The following TENM1 variants were observed in gnomAD, a reference collection of about 807,000 sequenced individuals.
TENM1 encodes the protein teneurin-1.
A neutral mutation model predicts 174.8 loss-of-function variants in TENM1; 35 were observed. The observed-to-expected ratio is 0.20, with a 90% CI of 0.15 to 0.27. The LOEUF (loss-of-function observed/expected upper bound fraction) is 0.27. Among genes scored for constraint, TENM1 ranks in the 10% least tolerant of loss-of-function variants. The probability of loss-of-function intolerance (pLI) is 1.00; values close to 1 mark genes in which losing one functional copy is unlikely to be tolerated. For synonymous variants in TENM1, 781 were observed against 798.7 expected, an observed-to-expected ratio of 0.98 and a Z score of 0.37; for missense variants, 1,633 against 2,130.1, an observed-to-expected ratio of 0.77 and a Z score of 4.59.
At chrX:124,480,617 A>T (rs2046821356) in intron 22 of TENM1, among the ~76,000 whole-genome samples, 1 of 112,034 alleles carries the variant, frequency 8.9e-6, no homozygotes, top group African/African-American at 3.2e-5. Flanking sequence ...AAATACTAAA[A>T]TGTTTACAGT....
At chrX:124,965,696 A>G (rs1426423567), upstream of TENM1, among the ~76,000 whole-genome samples, 1 of 87,924 alleles carries the variant, frequency 1.1e-5, no homozygotes, top group Non-Finnish European at 1.9e-5. Flanking sequence ...GAACATATAC[A>G]TATATATATA....
At chrX:124,413,992 T>C (rs1444459011) in intron 25 of TENM1, among the ~76,000 whole-genome samples, 1 of 112,162 alleles carries the variant, frequency 8.9e-6, no homozygotes, top group African/African-American at 3.2e-5. Flanking sequence ...GAAGGGGGAA[T>C]CTGTCATTAG....
At chrX:125,163,184 T>C in the TENM1 span, among the ~76,000 whole-genome samples, 2 of 111,236 alleles carry the variant, frequency 1.8e-5, no homozygotes, top group East Asian at 5.7e-4. Flanking sequence ...ATAGTAGCAG[T>C]GTGTGTTTGT....
chrX:124,577,299 G>A (rs2049190202), intron 11 of TENM1, among the ~76,000 whole-genome samples: 1 of 111,184 alleles, frequency 9.0e-6, no homozygotes, highest in Non-Finnish European at 1.9e-5. Context: ...CTGGGCAGGG[G>A]CTGCATACAT....
chrX:124,940,605 C>T (rs1437991263), intron 1 of TENM1, among the ~76,000 whole-genome samples: 2 of 111,217 alleles, frequency 1.8e-5, no homozygotes, highest in Admixed American at 9.6e-5. Context: ...CCCTGCAACC[C>T]TACTACCACT....
At chrX:125,031,486 C>G in the TENM1 span, among the ~76,000 whole-genome samples, 2,180 of 111,709 alleles carry the variant, frequency 0.02, 64 homozygotes, top group African/African-American at 0.067. Context: ...AAATAATCTA[C>G]AAAGAATTCT....
At chrX:125,187,787 T>C in the TENM1 span, among the ~76,000 whole-genome samples, 4 of 111,597 alleles carry the variant, frequency 3.6e-5, no homozygotes, top group African/African-American at 9.8e-5. Flanking sequence ...TACGTATTTA[T>C]ATATGTCTGT....
At chrX:124,520,813 A>G in intron 17 of TENM1, 29 bp from the exon 21 acceptor site, 3 of 1,131,638 alleles carry the variant, frequency 2.7e-6, no homozygotes, top group Non-Finnish European at 3.5e-6. Flanking sequence ...AAAAAAGCCA[A>G]ATAGGCTCTT....
chrX:124,979,284 G>T, the TENM1 span, among the ~76,000 whole-genome samples: 2,536 of 111,823 alleles, frequency 0.023, 58 homozygotes, highest in Middle Eastern at 0.079. Context: ...GGGTACTTAA[G>T]TGTCGTTTTT....
the TENM1 span, among the ~76,000 whole-genome samples, chrX:124,982,367 C>A: frequency 2.2e-4 from 24 of 108,605 alleles, no homozygotes; most frequent in African/African-American, 7.6e-4. Context: ...AGAATAATAT[C>A]TTTGCACTTT....
At chrX:124,756,104 T>C (rs1399148890) in intron 3 of TENM1, among the ~76,000 whole-genome samples, 1 of 105,407 alleles carries the variant, frequency 9.5e-6, no homozygotes, top group East Asian at 2.9e-4. Flanking sequence ...GGTTCCATTC[T>C]CCCCGTCACT....
chrX:124,866,582 A>T (rs750414916), intron 3 of TENM1, among the ~76,000 whole-genome samples: 1 of 111,510 alleles, frequency 9.0e-6, no homozygotes, highest in Non-Finnish European at 1.9e-5. Context: ...TAACAATCTA[A>T]CCATGCATTT....
At chrX:124,779,437 A>G (rs2054856717) in intron 3 of TENM1, among the ~76,000 whole-genome samples, 1 of 111,810 alleles carries the variant, frequency 8.9e-6, no homozygotes. Flanking sequence ...GCTTTCTTAG[A>G]AATCTTGCTT....
intron 3 of TENM1, among the ~76,000 whole-genome samples, chrX:124,892,937 GGATA>G (rs1489945020): frequency 8.9e-6 from 1 of 111,970 alleles, no homozygotes; most frequent in Non-Finnish European, 1.9e-5. Context: ...TTTCATGAAT[GGATA>G]AAGTCAATGG....
At chrX:124,588,242 G>A (rs1421030971) in intron 11 of TENM1, among the ~76,000 whole-genome samples, 5 of 111,134 alleles carry the variant, frequency 4.5e-5, no homozygotes, top group South Asian at 3.8e-4. Flanking sequence ...ACATGCACAC[G>A]TATGTTTATT....
the TENM1 span, among the ~76,000 whole-genome samples, chrX:125,026,188 G>A: frequency 3.3e-5 from 3 of 91,719 alleles, no homozygotes; most frequent in South Asian, 1.5e-3. Context: ...TAAAGAAGGA[G>A]AAAAGGCAAA....
chrX:124,493,919 C>A (rs1174808020), intron 20 of TENM1, among the ~76,000 whole-genome samples: 1 of 111,704 alleles, frequency 9.0e-6, no homozygotes, highest in Admixed American at 9.5e-5. Context: ...GATTTAACAG[C>A]TTTCTTCCCT....
At chrX:124,382,571 C>T in intron 31 of TENM1, 99 bp downstream of exon 34, 1 of 837,442 alleles carries the variant, frequency 1.2e-6, no homozygotes, top group Non-Finnish European at 1.7e-6. Context: ...TTCAAGAAGA[C>T]TAAAAAATCA....
the TENM1 span, among the ~76,000 whole-genome samples, chrX:125,185,685 G>A: frequency 4.5e-5 from 5 of 111,872 alleles, no homozygotes; most frequent in Admixed American, 9.5e-5. Flanking sequence ...AGGAGACAGC[G>A]GAATAAAGGT....
Sources: allele counts gnomAD v4.1 joint callset (sites outside exome capture counted in the v4.1 genomes callset), GRCh38; gene constraint gnomAD v4.1.1; transcripts MANE v1.5; gene names NCBI Gene and HGNC (gene_info 2026-07-23, HGNC 2026-07-21).